Variants in DOCK1 observed in about 807,000 individuals in gnomAD.
DOCK1 encodes the protein dedicator of cytokinesis protein 1.
Under a neutral mutation model 262.7 loss-of-function variants are expected in DOCK1, and 138 were observed. The observed-to-expected ratio is 0.53, with a 90% confidence interval of 0.46 to 0.61. The LOEUF is 0.61. Among genes scored for constraint, DOCK1 ranks in the 20% least tolerant of loss-of-function variants. The pLI is 0.00. For missense variants in DOCK1, 1,908 were observed against 2,370.7 expected (o/e 0.80, Z 4.05); for synonymous variants, 866 against 867.4 (o/e 1.00, Z 0.03).
intron 27 of DOCK1, among the ~76,000 whole-genome samples, chr10:127,213,984 C>A (rs1366216497): frequency 1.3e-5 from 2 of 152,136 alleles, no homozygotes; most frequent in African/African-American, 2.4e-5. Context: ...GGACTACAGG[C>A]ACCCGCCACC....
chr10:127,108,360 G>A (rs1190614853), intron 24 of DOCK1, among the ~76,000 whole-genome samples: 2 of 152,060 alleles, frequency 1.3e-5, no homozygotes, highest in Admixed American at 6.6e-5. Context: ...GGCCGAGGGG[G>A]ACAGATCATG....
rs528825901 is a variant in DOCK1, at chr10:127,407,832, A to ACC, written c.4123-1199_4123-1198dup. 2.2e-4 allele frequency among the ~76,000 whole-genome samples: 33 copies of ACC among 151,464 alleles called. No homozygotes were observed. The East Asian group carries it at 6.3e-3, about 29-fold the overall frequency. ...ACCACGCCCCGTCCTGGAAAGTGTTACCCCCCCAACCCCAGACTTCTGTTT... is the reference window on the plus strand; with the variant it reads ...ACCACGCCCCGTCCTGGAAAGTGTTACCCCCCCCCAACCCCAGACTTCTGTTT... On this transcript the variant is annotated intron_variant, in intron 40 of 51. Transcript: ENST00000623213.
chr10:126,918,837 A>T (rs530710815), intron 1 of DOCK1, among the ~76,000 whole-genome samples: 66 of 138,628 alleles, frequency 4.8e-4, no homozygotes, highest in Non-Finnish European at 1.1e-4. Context: ...TATATTTGGG[A>T]AGAAAAGCTA....
chr10:127,265,887 G>A (rs1025047515), intron 29 of DOCK1, among the ~76,000 whole-genome samples: 2 of 152,228 alleles, frequency 1.3e-5, no homozygotes, highest in South Asian at 2.1e-4. Context: ...AGGATAAGTC[G>A]TGTTGGTGCT....
At chr10:127,322,700 T>C (rs1479329755) in intron 29 of DOCK1, among the ~76,000 whole-genome samples, 1 of 152,260 alleles carries the variant, frequency 6.6e-6, no homozygotes, top group Non-Finnish European at 1.5e-5. Context: ...TAAAGTTTTA[T>C]TGGCACATAG....
At chr10:127,061,905 C>A in intron 23 of DOCK1, 129 bp downstream of exon 23, 9 of 434,934 alleles carry the variant, frequency 2.1e-5, no homozygotes, top group East Asian at 4.5e-5. Context: ...TGTCAGAGAT[C>A]TCAATTTGAT....
intron 29 of DOCK1, among the ~76,000 whole-genome samples, chr10:127,294,135 A>G (rs2061429571): frequency 6.6e-6 from 1 of 151,988 alleles, no homozygotes; most frequent in Admixed American, 6.6e-5. Context: ...TGTGTTACTG[A>G]CCCTCTCTCT....
At chr10:126,951,016 GGTGGTAGTATTGTTGGTA>G (rs2036171417) in intron 1 of DOCK1, among the ~76,000 whole-genome samples, 4 of 151,962 alleles carry the variant, frequency 2.6e-5, no homozygotes, top group Non-Finnish European at 5.9e-5. Flanking sequence ...GGGTGGTGAA[GGTGGTAGTATTGTTGGTA>G]GTAGTAGTAT....
At chr10:127,007,851 A>G (rs1196798664) in intron 10 of DOCK1, among the ~76,000 whole-genome samples, 1 of 152,142 alleles carries the variant, frequency 6.6e-6, no homozygotes, top group East Asian at 1.9e-4. Flanking sequence ...TCAGTATGGT[A>G]GGTTACTGAG....
At chr10:127,438,245 AT>A (rs1432939445) in intron 48 of DOCK1, among the ~76,000 whole-genome samples, 1 of 152,216 alleles carries the variant, frequency 6.6e-6, no homozygotes, top group African/African-American at 2.4e-5. Context: ...ACAAATCACA[AT>A]CATGTGTGGA....
chr10:127,370,791 C>T (rs2065166173), intron 33 of DOCK1, among the ~76,000 whole-genome samples: 1 of 152,210 alleles, frequency 6.6e-6, no homozygotes. Context: ...GCCTTCTATT[C>T]ATAAGTGTTC....
intron 3 of DOCK1, among the ~76,000 whole-genome samples, chr10:126,978,710 ATGTGT>A (rs1461624248): frequency 6.6e-6 from 1 of 152,030 alleles, no homozygotes. Flanking sequence ...GTTTGACCCG[ATGTGT>A]TTTAATATCT....
At chr10:126,962,341 T>G (rs2037295062) in intron 1 of DOCK1, among the ~76,000 whole-genome samples, 3 of 152,208 alleles carry the variant, frequency 2.0e-5, no homozygotes, top group Admixed American at 2.0e-4. Context: ...GCATTTTTAG[T>G]AGAAATGGGG....
intron 16 of DOCK1, among the ~76,000 whole-genome samples, chr10:127,030,107 C>T (rs1460668941): frequency 6.6e-6 from 1 of 152,094 alleles, no homozygotes; most frequent in Non-Finnish European, 1.5e-5. Context: ...GGTGATAAGC[C>T]ATGTTGTCTT....
chr10:127,444,299 CAT>C lies in DOCK1; in HGVS notation c.5413+22_5413+23del. ...AGTCGAGTAAGTGGAACGCTCCCCACATACGAATCGTGCTATAGCTCCGTGAC... is the reference window on the plus strand; with the variant it reads ...AGTCGAGTAAGTGGAACGCTCCCCACACGAATCGTGCTATAGCTCCGTGAC... On this transcript the variant is annotated intron_variant, in intron 50 of 51. Coordinates refer to ENST00000623213, the MANE Select transcript of DOCK1 (RefSeq NM_001290223.2). 1 of 1,579,902 alleles carries C rather than the reference CAT, an allele frequency of 6.3e-7. No individual in the cohort carries two copies.
At chr10:127,082,147 GAA>G (rs1283135342) in intron 23 of DOCK1, among the ~76,000 whole-genome samples, 1 of 152,136 alleles carries the variant, frequency 6.6e-6, no homozygotes, top group Non-Finnish European at 1.5e-5. Flanking sequence ...TAGTAACAAA[GAA>G]GAGGTTTTCC....
rs1482500777 is a variant in DOCK1, at chr10:127,410,932, A to G, written c.4428+8A>G. 4.3e-6 allele frequency: 7 copies of G among 1,612,098 alleles called. No individual in the cohort carries two copies. The Admixed American group carries it at 5.0e-5, about 12-fold the overall frequency. ...CCAGACAATGAATTTGCGGTAAAAAACAAACAAACCACCAAACCAAACAAC... is the reference window on the plus strand; with the variant it reads ...CCAGACAATGAATTTGCGGTAAAAAGCAAACAAACCACCAAACCAAACAAC... On this transcript the variant is annotated splice_region_variant and intron_variant, in intron 43 of 51. Transcript: ENST00000623213.
At chr10:127,325,577 A>G (rs1254187518) in intron 29 of DOCK1, among the ~76,000 whole-genome samples, 1 of 152,168 alleles carries the variant, frequency 6.6e-6, no homozygotes, top group African/African-American at 2.4e-5. Flanking sequence ...TTTAACCACC[A>G]TATTAACCTG....
At chr10:127,413,277 G>C (rs1456912708) in intron 43 of DOCK1, among the ~76,000 whole-genome samples, 1 of 152,242 alleles carries the variant, frequency 6.6e-6, no homozygotes, top group Non-Finnish European at 1.5e-5. Context: ...GACATTTTGA[G>C]CTATGCTGAG....
Sources: gnomAD v4.1 joint callset for allele counts (sites outside exome capture counted in the v4.1 genomes callset) on GRCh38, gnomAD v4.1.1 for gene constraint, MANE v1.5 for transcripts, NCBI Gene and HGNC (gene_info 2026-07-23, HGNC 2026-07-21) for gene names.